The following DNAH9 variants were observed in gnomAD, a reference collection of about 807,000 sequenced individuals.
The protein encoded by DNAH9 is dynein axonemal heavy chain 9.
In DNAH9, 345 loss-of-function variants were observed where a neutral mutation model predicts 471.6. The observed-to-expected ratio is 0.73, with a 90% CI of 0.67 to 0.80. DNAH9 has a LOEUF of 0.80. Among genes scored for constraint, DNAH9 ranks in the 30% least tolerant of loss-of-function variants. The pLI is 0.00. For missense variants in DNAH9, 5,407 were observed against 5,609.2 expected, an observed-to-expected ratio of 0.96 and a Z score of 1.15; for synonymous variants, 2,093 against 2,123.6, an observed-to-expected ratio of 0.99 and a Z score of 0.40.
In DNAH9 at chr17:11,636,739, G is replaced by C. The variant is rs371695921; in HGVS notation, c.1741G>C (p.Val581Leu). 7 of 1,613,992 alleles carry C rather than the reference G, an allele frequency of 4.3e-6. No homozygotes were observed. In the South Asian group the frequency reaches 7.7e-5, roughly 18 times the overall value. Residue 581 changes from valine (V) to leucine (L), a missense_variant, in exon 9 of 69, where the codon GTG becomes CTG. Val to Leu is a conservative substitution (Grantham distance 32, BLOSUM62 1). Coordinates refer to ENST00000262442, the MANE Select transcript of DNAH9 (RefSeq NM_001372.4). ...IQMFNKDLDA[V>L]RMIYSQHVQE... is the part of the protein sequence containing the mutation. ...AATGTTCAACAAAGATCTGGATGCA[G>C]TGAGGATGATCTACAGTCAGCACGT...
intron 67 of DNAH9, among the ~76,000 whole-genome samples, chr17:11,959,893 G>A (rs1975935920): frequency 6.6e-6 from 1 of 152,164 alleles, no homozygotes; most frequent in Non-Finnish European, 1.5e-5. Context: ...CATTCAGGCT[G>A]GTCCATCTGT....
At chr17:11,949,446 A>G (rs1034472257) in intron 67 of DNAH9, among the ~76,000 whole-genome samples, 12 of 151,136 alleles carry the variant, frequency 7.9e-5, no homozygotes, top group African/African-American at 2.2e-4. Context: ...TTGAATTAAC[A>G]TAAGTAGGTG....
rs527410728 is a variant in DNAH9, at chr17:11,759,596, C to T, written c.6995+1904C>T. Among the ~76,000 whole-genome samples the T allele has an allele frequency of 2.5e-4, 36 of 142,958 alleles. No individual in the cohort carries two copies. The South Asian group carries it at 4.1e-3, about 16-fold the overall frequency. 93.8% of individuals were successfully genotyped at this position (142,958 alleles called of 152,430 possible). On this transcript the variant is annotated intron_variant, in intron 35 of 68. Transcript: ENST00000262442. ...GGAGTGCAGTGGTGCGATCTTGGCT[C>T]ACTGCAACCTCCACCTCCTGGGTTC...
chr17:11,774,220 C>CTAGA (rs71142245), intron 38 of DNAH9, among the ~76,000 whole-genome samples: 21,429 of 151,866 alleles, frequency 0.14, 1,974 homozygotes, highest in African/African-American at 0.27. Context: ...CCCTTATTAA[C>CTAGA]TAGAGTACTA....
intron 7 of DNAH9, among the ~76,000 whole-genome samples, chr17:11,629,968 C>T (rs910332104): frequency 6.6e-6 from 1 of 151,812 alleles, no homozygotes; most frequent in East Asian, 1.9e-4. Flanking sequence ...ATGGTCTCAA[C>T]TATATGAGGC....
Position 11,854,197 on chromosome 17 carries a change from C to T in DNAH9, c.9702C>T (p.His3234=), listed in dbSNP as rs182781154. ...TAAACTTCAACAAAGAGAACATTCA[C>T]GAGAACTGCCTCAAAGCCATCAGGC... ...SLINFNKENI[H]ENCLKAIRPY... The change falls in exon 50 of 69, where the codon CAC becomes CAT. Residue 3234 remains histidine (H), a synonymous_variant. Transcript: ENST00000262442. 28 of 1,614,152 alleles carry T rather than the reference C, an allele frequency of 1.7e-5. No individual in the cohort carries two copies. Among genetic ancestry groups the T allele is most frequent in the East Asian group, 4.5e-5 (2 of 44,880 alleles).
chr17:11,639,896 A>T (rs149016670), intron 9 of DNAH9, among the ~76,000 whole-genome samples: 1 of 152,158 alleles, frequency 6.6e-6, no homozygotes, highest in Non-Finnish European at 1.5e-5. Flanking sequence ...CCAGCTACTC[A>T]GGAGGCTGAG....
chr17:11,763,651 G>C (rs1967814159), intron 36 of DNAH9, 37 bp downstream of exon 36: 9 of 1,589,336 alleles, frequency 5.7e-6, no homozygotes, highest in African/African-American at 1.3e-5. Flanking sequence ...CCACACTGAA[G>C]TCTGTAGCAG....
intron 61 of DNAH9, among the ~76,000 whole-genome samples, chr17:11,909,741 A>G (rs777525686): frequency 6.6e-5 from 10 of 152,100 alleles, no homozygotes; most frequent in African/African-American, 1.7e-4. Context: ...AAATTTTTCA[A>G]CAGCTGCACT....
At chr17:11,629,608 G>A (rs746590390) in intron 7 of DNAH9, 24 bp downstream of exon 7, 28 of 1,604,304 alleles carry the variant, frequency 1.7e-5, no homozygotes, top group South Asian at 4.4e-5. Context: ...GGGCTGAATC[G>A]CCAGCTCTGC....
intron 63 of DNAH9, among the ~76,000 whole-genome samples, chr17:11,930,451 G>T (rs1224903736): frequency 3.9e-5 from 6 of 152,158 alleles, no homozygotes; most frequent in Admixed American, 2.0e-4. Flanking sequence ...GCAGAGAGAT[G>T]ATACTGTCAA....
intron 32 of DNAH9, among the ~76,000 whole-genome samples, chr17:11,750,706 C>T (rs1478624734): frequency 1.3e-5 from 2 of 152,092 alleles, no homozygotes; most frequent in African/African-American, 4.8e-5. Flanking sequence ...TAATTGCAAA[C>T]CTCTCTAGGA....
At chr17:11,888,423 G>T (rs1172216865) in intron 57 of DNAH9, among the ~76,000 whole-genome samples, 1 of 152,136 alleles carries the variant, frequency 6.6e-6, no homozygotes, top group Non-Finnish European at 1.5e-5. Context: ...TCACCCCCCT[G>T]GTTCCAAGAG....
At position 11,958,731 on chromosome 17, in the gene DNAH9, TAAAAAAA is replaced by T. The variant is rs5819345; in HGVS notation, c.12844-3129_12844-3123del. On this transcript the variant is annotated intron_variant, in intron 67 of 68. Coordinates refer to ENST00000262442, the MANE Select transcript of DNAH9 (RefSeq NM_001372.4). Reference sequence around the variant, plus strand: ...ATTTGCTGTGAAACTAAAACTGCCCTAAAAAAAAAAAAATAAAGTATATTAAGAAAAG... The same window carrying T: ...ATTTGCTGTGAAACTAAAACTGCCCTAAAAAATAAAGTATATTAAGAAAAG... Among the ~76,000 whole-genome samples the T allele has an allele frequency of 2.1e-5, 3 of 145,336 alleles. No individual in the cohort carries two copies. The East Asian group carries it at 6.1e-4, about 30-fold the overall frequency.
chr17:11,615,580 A>G (rs2072724043), intron 4 of DNAH9, among the ~76,000 whole-genome samples: 1 of 150,756 alleles, frequency 6.6e-6, no homozygotes, highest in African/African-American at 2.4e-5. Flanking sequence ...GTGAGACTCC[A>G]TCCCCACCCC....
intron 1 of DNAH9, among the ~76,000 whole-genome samples, chr17:11,606,448 C>CT (rs1156988834): frequency 0.031 from 3,012 of 96,608 alleles, 318 homozygotes; most frequent in African/African-American, 0.11. Flanking sequence ...CTTTTCTTTT[C>CT]TTTTCTTTTT....
chr17:11,705,566 A>G (rs2074684944), intron 26 of DNAH9: 1 of 182,894 alleles, frequency 5.5e-6, no homozygotes, highest in South Asian at 1.4e-4. Flanking sequence ...GATTAAAGAC[A>G]GTAACGTTGG....
chr17:11,902,860 C>T lies in DNAH9; in HGVS notation c.11548C>T (p.Arg3850Cys), dbSNP rs765859979. The T allele has an allele frequency of 3.3e-5, 54 of 1,613,792 alleles. No homozygotes were observed. Among genetic ancestry groups the T allele is most frequent in the Middle Eastern group, 1.7e-4 (1 of 6,056 alleles). ...QEWKNKTALQRLCMLRAMRPD... is the reference protein window; with the variant it reads ...QEWKNKTALQCLCMLRAMRPD... ...GTGGAAGAACAAGACAGCCCTGCAG[C>T]GCCTCTGCATGCTGAGAGCCATGCG... is the stretch of plus-strand genomic sequence containing the variant. The change falls in exon 60 of 69, where the codon CGC (arginine) becomes TGC (cysteine). Residue 3850 changes from arginine (R) to cysteine (C), a missense_variant. Transcript: ENST00000262442.
chr17:11,691,728 C>T (rs1211501761), intron 20 of DNAH9, among the ~76,000 whole-genome samples: 2 of 152,128 alleles, frequency 1.3e-5, no homozygotes, highest in Non-Finnish European at 2.9e-5. Context: ...AACCTTGATA[C>T]TTTTTTATTT....
Sources: allele counts gnomAD v4.1 joint callset (sites outside exome capture counted in the v4.1 genomes callset), GRCh38; gene constraint gnomAD v4.1.1; transcripts MANE v1.5; gene names NCBI Gene and HGNC (gene_info 2026-07-23, HGNC 2026-07-21).